Variants in KIAA0825 observed in about 807,000 individuals in gnomAD.
KIAA0825 encodes uncharacterized protein KIAA0825.
A neutral mutation model predicts 147.6 loss-of-function variants in KIAA0825; 119 were observed. The observed-to-expected ratio is 0.81, with a 90% confidence interval of 0.69 to 0.94. The LOEUF is 0.94. Among genes scored for constraint, KIAA0825 ranks in the 40% least tolerant of loss-of-function variants. KIAA0825 has a pLI of 0.00. For synonymous variants in KIAA0825, 470 were observed against 518.1 expected, an observed-to-expected ratio of 0.91 and a Z score of 1.26; for missense variants, 1,381 against 1,472.7, an observed-to-expected ratio of 0.94 and a Z score of 1.02.
chr5:94,225,565 G>T (rs1475118183), intron 20 of KIAA0825, among the ~76,000 whole-genome samples: 1 of 152,170 alleles, frequency 6.6e-6, no homozygotes, highest in Non-Finnish European at 1.5e-5. Context: ...TAAGAAGAAA[G>T]ATGAGTTTGC....
intron 3 of KIAA0825, among the ~76,000 whole-genome samples, chr5:94,528,167 A>G (rs1769728277): frequency 6.6e-6 from 1 of 152,200 alleles, no homozygotes; most frequent in Non-Finnish European, 1.5e-5. Flanking sequence ...CCTTGACACC[A>G]AATCTTTCTC....
rs1768812590 is a variant in KIAA0825, at chr5:94,524,180, T to C, written c.132-82A>G. On this transcript the variant is annotated intron_variant, in intron 3 of 20. Coordinates refer to ENST00000682413, the MANE Select transcript of KIAA0825 (RefSeq NM_001145678.3). ...CATAATATCACAGGCCCTGAAATCT[T>C]CATATGTGGTACCTGGCTTTGTACA... The C allele has an allele frequency of 3.9e-6, 3 of 773,404 alleles. No individual in the cohort carries two copies. The African/African-American group carries it at 5.4e-5, about 14-fold the overall frequency. 47.9% of individuals were successfully genotyped at this position (773,404 alleles called of 1,614,324 possible). A position where few individuals can be genotyped will look rare whatever the true frequency, so the allele number is the denominator to read the frequency against.
chr5:94,525,462 A>C (rs996112883), intron 3 of KIAA0825, among the ~76,000 whole-genome samples: 1 of 151,950 alleles, frequency 6.6e-6, no homozygotes, highest in Non-Finnish European at 1.5e-5. Flanking sequence ...AGAACTTAAA[A>C]GGAAAACAAT....
intron 20 of KIAA0825, among the ~76,000 whole-genome samples, chr5:94,250,240 A>G (rs992567074): frequency 2.0e-5 from 3 of 152,128 alleles, no homozygotes; most frequent in Non-Finnish European, 4.4e-5. Flanking sequence ...ACTTAATTCT[A>G]CTATGGCTCT....
chr5:94,213,161 C>G (rs1772882731), intron 20 of KIAA0825, among the ~76,000 whole-genome samples: 1 of 151,936 alleles, frequency 6.6e-6, no homozygotes, highest in South Asian at 2.1e-4. Flanking sequence ...AGGCTCTCTC[C>G]CCACAAAAGG....
At chr5:94,242,739 C>T (rs1047570861) in intron 20 of KIAA0825, among the ~76,000 whole-genome samples, 1 of 152,128 alleles carries the variant, frequency 6.6e-6, no homozygotes, top group African/African-American at 2.4e-5. Context: ...GATTCTTCTG[C>T]CTCAGCCACC....
rs973277685 is a variant in KIAA0825, at chr5:94,574,559, A to G, written c.-2+7874T>C. Among the ~76,000 whole-genome samples the G allele has an allele frequency of 3.0e-4, 45 of 150,734 alleles. No individual in the cohort carries two copies. In the South Asian group the frequency reaches 4.6e-3, roughly 15 times the overall value. On this transcript the variant is annotated intron_variant, in intron 2 of 20. Transcript: ENST00000682413. The stretch of plus-strand genomic sequence containing the variant: ...ACTCCATCTCAAAAAAAAAAAAAAA[A>G]AAAAAAGAAAAAAAAAGAAAGGACA...
chr5:94,158,174 G>A (rs1767212401), intron 20 of KIAA0825, among the ~76,000 whole-genome samples: 1 of 152,104 alleles, frequency 6.6e-6, no homozygotes, highest in Admixed American at 6.6e-5. Context: ...TCTTTCTCAT[G>A]TATAAATATG....
chr5:94,606,469 C>A (rs1295741525), intron 1 of KIAA0825, among the ~76,000 whole-genome samples: 1 of 152,104 alleles, frequency 6.6e-6, no homozygotes, highest in East Asian at 1.9e-4. Flanking sequence ...ACAGAAACAA[C>A]AAAGCTGGAG....
At chr5:94,188,538 T>C (rs1163035039) in intron 20 of KIAA0825, among the ~76,000 whole-genome samples, 1 of 152,142 alleles carries the variant, frequency 6.6e-6, no homozygotes, top group Non-Finnish European at 1.5e-5. Flanking sequence ...TAGTACATAG[T>C]CTTTTGTCTT....
intron 20 of KIAA0825, among the ~76,000 whole-genome samples, chr5:94,268,133 A>T (rs146448229): frequency 5.5e-4 from 84 of 152,292 alleles, no homozygotes; most frequent in African/African-American, 2.0e-3. Flanking sequence ...GGACTCACAG[A>T]GTAGATACCT....
chr5:94,563,702 T>G (rs1270406590), intron 2 of KIAA0825, among the ~76,000 whole-genome samples: 1 of 152,220 alleles, frequency 6.6e-6, no homozygotes, highest in African/African-American at 2.4e-5. Flanking sequence ...TTATGTTTTT[T>G]GAGACAGAGT....
chr5:94,415,635 G>A (rs576310182), intron 15 of KIAA0825: 7 of 152,254 alleles, frequency 4.6e-5, no homozygotes, highest in African/African-American at 1.7e-4. Flanking sequence ...AAAGGAGAAG[G>A]GAGTTTCACC....
At chr5:94,559,161 T>C (rs142810814) in intron 2 of KIAA0825, among the ~76,000 whole-genome samples, 4 of 152,194 alleles carry the variant, frequency 2.6e-5, no homozygotes, top group Non-Finnish European at 5.9e-5. Context: ...TCCCTACACG[T>C]GTATTCTTTT....
intron 20 of KIAA0825, among the ~76,000 whole-genome samples, chr5:94,358,607 CG>C (rs924373253): frequency 5.3e-5 from 8 of 150,068 alleles, no homozygotes; most frequent in African/African-American, 1.7e-4. Context: ...TATATTTAAG[CG>C]GCAGAAAGAA....
intron 20 of KIAA0825, among the ~76,000 whole-genome samples, chr5:94,355,015 A>C (rs1178432722): frequency 6.6e-6 from 1 of 152,094 alleles, no homozygotes; most frequent in South Asian, 2.1e-4. Context: ...GGGTGGGACA[A>C]TTCGAAGGGG....
chr5:94,439,467 G>T (rs1756788683), intron 14 of KIAA0825, among the ~76,000 whole-genome samples: 1 of 152,130 alleles, frequency 6.6e-6, no homozygotes, highest in Admixed American at 6.5e-5. Flanking sequence ...ACTACTCCTC[G>T]ATTTCCATTC....
intron 20 of KIAA0825, among the ~76,000 whole-genome samples, chr5:94,267,860 T>C (rs1212749225): frequency 6.6e-6 from 1 of 152,152 alleles, no homozygotes; most frequent in Admixed American, 6.5e-5. Context: ...GATAAATATG[T>C]TAAGTTTGCA....
chr5:94,278,463 T>C lies in KIAA0825; in HGVS notation c.3710+105905A>G, dbSNP rs149877258. On this transcript the variant is annotated intron_variant, in intron 20 of 20. Transcript: ENST00000682413. ...GGAATTTAGAGAAAGCAACAAATACTATTGAATATTTGCTACATTTTTCAA... is the reference window on the plus strand; with the variant it reads ...GGAATTTAGAGAAAGCAACAAATACCATTGAATATTTGCTACATTTTTCAA... Among the ~76,000 whole-genome samples, 394 of 152,264 alleles carry C rather than the reference T, an allele frequency of 2.6e-3. 1 individual carries two copies. The highest frequency in any genetic ancestry group is 8.7e-3 in the African/African-American group (362 of 41,566).
Sources: gnomAD v4.1 joint callset for allele counts (sites outside exome capture counted in the v4.1 genomes callset) on GRCh38, gnomAD v4.1.1 for gene constraint, MANE v1.5 for transcripts, NCBI Gene and HGNC (gene_info 2026-07-23, HGNC 2026-07-21) for gene names.